Variants in ROBO2 observed in about 807,000 individuals in gnomAD.
ROBO2 encodes the protein roundabout homolog 2.
Under a neutral mutation model 160.8 loss-of-function variants are expected in ROBO2, and 53 were observed. That is an observed-to-expected ratio of 0.33 (90% CI 0.26 to 0.41). The LOEUF (loss-of-function observed/expected upper bound fraction) is 0.41. Among genes scored for constraint, ROBO2 ranks in the 10% least tolerant of loss-of-function variants. The pLI is 1.00. For missense variants in ROBO2, 1,577 were observed against 1,722.4 expected, an observed-to-expected ratio of 0.92 and a Z score of 1.49; for synonymous variants, 664 against 611.7, an observed-to-expected ratio of 1.09 and a Z score of -1.26.
chr3:77,589,429 G>A (rs1016044223), intron 17 of ROBO2, among the ~76,000 whole-genome samples: 1 of 152,098 alleles, frequency 6.6e-6, no homozygotes. Flanking sequence ...CACCAGAATT[G>A]ATAAGACTGA....
chr3:77,506,665 A>G (rs2088578272), intron 5 of ROBO2, among the ~76,000 whole-genome samples: 2 of 152,142 alleles, frequency 1.3e-5, no homozygotes, highest in African/African-American at 2.4e-5. Context: ...CTCCCACAGT[A>G]AAGAATAAAT....
intron 4 of ROBO2, among the ~76,000 whole-genome samples, chr3:77,481,681 T>G (rs1301497348): frequency 6.6e-6 from 1 of 152,178 alleles, no homozygotes; most frequent in African/African-American, 2.4e-5. Context: ...AAATATACTA[T>G]GTATGCACAC....
chr3:77,246,003 G>A (rs2089677043), intron 2 of ROBO2, among the ~76,000 whole-genome samples: 2 of 152,164 alleles, frequency 1.3e-5, no homozygotes, highest in Admixed American at 1.3e-4. Flanking sequence ...ATTAAGTCCT[G>A]TGTTTTTTAG....
rs777958510 is a variant in ROBO2, at chr3:77,477,589, C to T, written c.546+18C>T. On this transcript the variant is annotated intron_variant, in intron 3 of 25. Transcript: ENST00000461745. ...GAATAAGTGTGAGTTAAATTAAAAT[C>T]ATGGCCCAGAGAGATTGAATTTTCA... The T allele has an allele frequency of 8.1e-6, 13 of 1,611,002 alleles. No homozygotes were observed. Among genetic ancestry groups the T allele is most frequent in the Non-Finnish European group, 1.1e-5 (13 of 1,177,384 alleles).
rs1426694117 is a variant in ROBO2, at chr3:76,194,366, A to G, written c.109+256764A>G. 2.2e-4 allele frequency among the ~76,000 whole-genome samples: 26 copies of G among 120,030 alleles called. 1 individual carries two copies. Among genetic ancestry groups the G allele is most frequent in the Admixed American group, 1.7e-3 (21 of 12,626 alleles). The allele number at this position is 120,030 out of a possible 152,430, so 78.7% of individuals were successfully genotyped here. A position where few individuals can be genotyped will look rare whatever the true frequency, so the allele number is the denominator to read the frequency against. The stretch of plus-strand genomic sequence containing the variant: ...GTATGGTGTGTAAATATATATATAT[A>G]TATATATATATATATATATAGTGTG... On this transcript the variant is annotated intron_variant, in intron 2 of 26. Coordinates refer to the ROBO2 transcript ENST00000487694.
intron 5 of ROBO2, among the ~76,000 whole-genome samples, chr3:77,503,556 T>TA (rs910167574): frequency 7.4e-5 from 11 of 149,142 alleles, no homozygotes; most frequent in Admixed American, 1.3e-4. Context: ...AATAAATAAA[T>TA]AAATAAAATA....
At chr3:76,552,277 G>C (rs981811662) in intron 2 of ROBO2, among the ~76,000 whole-genome samples, 10 of 152,148 alleles carry the variant, frequency 6.6e-5, no homozygotes, top group African/African-American at 2.2e-4. Flanking sequence ...TATCTGTCGG[G>C]GGCCCTGGAA....
intron 2 of ROBO2, among the ~76,000 whole-genome samples, chr3:75,997,283 C>T (rs904368452): frequency 6.6e-6 from 1 of 152,112 alleles, no homozygotes; most frequent in Admixed American, 6.5e-5. Context: ...GATATCAAAT[C>T]AGCAATATTG....
At chr3:75,997,641 G>A (rs558881856) in intron 2 of ROBO2, among the ~76,000 whole-genome samples, 87 of 151,966 alleles carry the variant, frequency 5.7e-4, no homozygotes, top group African/African-American at 2.0e-3. Context: ...ACAGGCGCCC[G>A]CCACCATGCC....
intron 2 of ROBO2, among the ~76,000 whole-genome samples, chr3:76,201,149 C>T (rs1702507614): frequency 1.3e-5 from 2 of 152,122 alleles, no homozygotes; most frequent in Admixed American, 1.3e-4. Context: ...TTTTCTGAAT[C>T]AGTCTTTATG....
exon 6 of ROBO2, chr3:77,522,783 T>G (rs1431367998): frequency 6.2e-7 from 1 of 1,608,540 alleles, no homozygotes; most frequent in Non-Finnish European, 8.5e-7. Flanking sequence ...AGGTATGACA[T>G]CAAAGACGAT....
chr3:77,230,169 C>G (rs1471133554), intron 2 of ROBO2, among the ~76,000 whole-genome samples: 1 of 152,030 alleles, frequency 6.6e-6, no homozygotes, highest in Non-Finnish European at 1.5e-5. Context: ...CTCACTGCAG[C>G]CTGGATCTCC....
intron 2 of ROBO2, among the ~76,000 whole-genome samples, chr3:76,503,121 G>C (rs181749716): frequency 9.2e-5 from 14 of 152,188 alleles, no homozygotes; most frequent in African/African-American, 3.4e-4. Context: ...GGAGCAAGGA[G>C]ACCCAGTCCA....
intron 2 of ROBO2, among the ~76,000 whole-genome samples, chr3:76,384,222 G>A (rs879665758): frequency 9.2e-5 from 14 of 152,152 alleles, no homozygotes; most frequent in Non-Finnish European, 1.9e-4. Context: ...GTCCTTGGCT[G>A]CACATAATAC....
intron 2 of ROBO2, among the ~76,000 whole-genome samples, chr3:76,122,297 T>C (rs558782066): frequency 2.3e-4 from 35 of 152,282 alleles, no homozygotes; most frequent in Non-Finnish European, 4.4e-4. Context: ...CAAATGTAAA[T>C]AAGTGAAACA....
At chr3:76,509,858 GA>G (rs1201180006) in intron 2 of ROBO2, among the ~76,000 whole-genome samples, 8 of 152,046 alleles carry the variant, frequency 5.3e-5, no homozygotes, top group African/African-American at 1.9e-4. Flanking sequence ...GAAACTTTTT[GA>G]GTGCCAAAAT....
At chr3:77,317,487 A>C (rs1294394061) in intron 2 of ROBO2, 18 of 1,514,878 alleles carry the variant, frequency 1.2e-5, no homozygotes, top group Non-Finnish European at 3.6e-6. Context: ...TGAGCTTGTA[A>C]ACTCCGATCC....
chr3:77,510,420 G>T (rs1366752493), intron 5 of ROBO2, among the ~76,000 whole-genome samples: 2 of 152,120 alleles, frequency 1.3e-5, no homozygotes, highest in South Asian at 4.1e-4. Context: ...ACACAACCAA[G>T]ATTATGGCAG....
At chr3:77,189,267 G>A (rs952670572) in intron 2 of ROBO2, among the ~76,000 whole-genome samples, 1 of 151,758 alleles carries the variant, frequency 6.6e-6, no homozygotes, top group African/African-American at 2.4e-5. Context: ...GTATGATAGG[G>A]TTAACATGTG....
Sources: gnomAD v4.1 joint callset for allele counts (sites outside exome capture counted in the v4.1 genomes callset) on GRCh38, gnomAD v4.1.1 for gene constraint, MANE v1.5 for transcripts, NCBI Gene and HGNC (gene_info 2026-07-23, HGNC 2026-07-21) for gene names.